CABIN1: variants seen among roughly 807,000 people sequenced by gnomAD.
CABIN1 encodes the protein calcineurin binding protein 1, also known as calcineurin-binding protein cabin-1.
CABIN1 carries 133 observed loss-of-function variants against 227.7 expected under a neutral mutation model. That is an observed-to-expected ratio of 0.58 (90% CI 0.51 to 0.67). The LOEUF (loss-of-function observed/expected upper bound fraction) is 0.67. Ranked by LOEUF, CABIN1 falls within the 30% of genes least tolerant of loss-of-function variation. CABIN1 has a pLI of 0.00. For synonymous variants in CABIN1, 1,086 were observed against 1,155.1 expected (o/e 0.94, Z 1.21); for missense variants, 2,408 against 2,852.5 (o/e 0.84, Z 3.55).
chr22:24,040,306 G>A (rs2037267378), intron 4 of CABIN1, among the ~76,000 whole-genome samples: 1 of 152,166 alleles, frequency 6.6e-6, no homozygotes, highest in Non-Finnish European at 1.5e-5. Context: ...CTCCAAGGTA[G>A]GTAGATTCTT....
intron 10 of CABIN1, among the ~76,000 whole-genome samples, chr22:24,058,963 T>C (rs2038998345): frequency 6.6e-6 from 1 of 152,220 alleles, no homozygotes; most frequent in South Asian, 2.1e-4. Context: ...ATTTGGTGCC[T>C]AGCACAGTGC....
At chr22:24,123,027 C>T (rs1170439216) in intron 28 of CABIN1, among the ~76,000 whole-genome samples, 1 of 152,162 alleles carries the variant, frequency 6.6e-6, no homozygotes, top group Non-Finnish European at 1.5e-5. Flanking sequence ...CCATTCCCCA[C>T]ACCCTGTCCA....
intron 26 of CABIN1, among the ~76,000 whole-genome samples, chr22:24,102,011 C>G (rs1361740692): frequency 6.6e-6 from 1 of 152,180 alleles, no homozygotes; most frequent in Non-Finnish European, 1.5e-5. Flanking sequence ...CGGTCATGCC[C>G]TTGTTTCCCC....
chr22:24,159,504 A>T (rs889850169), intron 29 of CABIN1, among the ~76,000 whole-genome samples: 1 of 152,208 alleles, frequency 6.6e-6, no homozygotes, highest in African/African-American at 2.4e-5. Context: ...TGGGTCTCCC[A>T]GGTGGCTCCT....
intron 26 of CABIN1, among the ~76,000 whole-genome samples, chr22:24,110,624 T>C (rs1184070140): frequency 1.2e-5 from 1 of 80,384 alleles, no homozygotes; most frequent in Non-Finnish European, 2.3e-5. Context: ...TTTGTTTGCC[T>C]GGAAAAAAAC....
chr22:24,170,093 C>T, intron 33 of CABIN1: 1 of 455,180 alleles, frequency 2.2e-6, no homozygotes, highest in Non-Finnish European at 4.4e-6. Flanking sequence ...GGGAGGAGGC[C>T]CTAATGACCC....
At chr22:24,056,421 A>G (rs1437441441) in intron 10 of CABIN1, 61 bp downstream of exon 10, 13 of 1,543,362 alleles carry the variant, frequency 8.4e-6, no homozygotes, top group African/African-American at 6.8e-5. Context: ...ATACACCATC[A>G]GTAACATTTC....
intron 20 of CABIN1, among the ~76,000 whole-genome samples, 178 bp downstream of exon 20, chr22:24,083,567 T>C (rs555482497): frequency 2.7e-4 from 41 of 152,324 alleles, no homozygotes; most frequent in Non-Finnish European, 4.6e-4. Flanking sequence ...CAAAAACTTA[T>C]TTTCATAAAT....
intron 14 of CABIN1, among the ~76,000 whole-genome samples, chr22:24,063,694 A>G (rs1437617442): frequency 6.6e-6 from 1 of 152,180 alleles, no homozygotes; most frequent in East Asian, 1.9e-4. Context: ...CATTTAGTCT[A>G]AAGAAAGCAA....
intron 28 of CABIN1, among the ~76,000 whole-genome samples, chr22:24,123,248 T>A (rs1344171924): frequency 1.3e-5 from 2 of 151,954 alleles, no homozygotes; most frequent in African/African-American, 4.8e-5. Context: ...TGCCAGCTTT[T>A]CTGTTCGTTG....
At position 24,062,958 on chromosome 22, in the gene CABIN1, G is replaced by A; in HGVS notation, c.1697-1G>A. The A allele has an allele frequency of 1.2e-6, 2 of 1,614,082 alleles. No individual in the cohort carries two copies. The highest frequency in any genetic ancestry group is 1.7e-5 in the Admixed American group (1 of 60,028). ...TGACTCGTTGGCCTGATGGTTTTTA[G>A]TGTCTCCTCGGAACTGCCCTGCTGG... is the stretch of plus-strand genomic sequence containing the variant. On this transcript the variant is annotated splice_acceptor_variant, in intron 13 of 36. Transcript: ENST00000263119. LOFTEE classifies it high-confidence loss of function.
At chr22:24,035,580 G>T (rs896469696) in intron 2 of CABIN1, 60 bp downstream of exon 2, 1 of 1,600,648 alleles carries the variant, frequency 6.2e-7, no homozygotes, top group Non-Finnish European at 8.6e-7. Flanking sequence ...CGTTACTCCT[G>T]GGGGCGAGGG....
chr22:24,155,078 G>A (rs1001620904), intron 29 of CABIN1, among the ~76,000 whole-genome samples: 12 of 152,152 alleles, frequency 7.9e-5, no homozygotes, highest in African/African-American at 2.2e-4. Context: ...CACCTAGCCC[G>A]TGCAGGTTGG....
At chr22:24,051,938 A>G (rs2038369966) in intron 8 of CABIN1, among the ~76,000 whole-genome samples, 1 of 151,974 alleles carries the variant, frequency 6.6e-6, no homozygotes, top group South Asian at 2.1e-4. Flanking sequence ...TCCATACCCG[A>G]GCACCGAGAT....
rs759373452 is a variant in CABIN1, at chr22:24,167,173, A to G, written c.5542A>G (p.Lys1848Glu). 1 of 1,610,186 alleles carries G rather than the reference A, an allele frequency of 6.2e-7. No individual in the cohort carries two copies. The highest frequency in any genetic ancestry group is 1.1e-5 in the South Asian group (1 of 90,190). Reference sequence around the variant, plus strand: ...GCTCTCCCGGCTCAGCCGCAAGAGGAAGCTCCTGGAGGACACAGAGTCAGG... The same window carrying G: ...GCTCTCCCGGCTCAGCCGCAAGAGGGAGCTCCTGGAGGACACAGAGTCAGG... ...EPLSRLSRKR[K>E]LLEDTESGKT... Residue 1848 changes from lysine to glutamate, a missense_variant, in exon 32 of 37, where the codon AAG becomes GAG. By Grantham distance (56) the Lys-to-Glu change is moderately conservative. This residue lies in a region of CABIN1 where 714 missense variants were observed against 773.8 expected (regional missense o/e 0.92). Coordinates refer to ENST00000263119, the MANE Select transcript of CABIN1 (RefSeq NM_012295.4).
rs373182725 is a variant in CABIN1 at position 24,143,721 on chromosome 22, C to T, written c.4746+9306C>T. Among the ~76,000 whole-genome samples the T allele has an allele frequency of 9.9e-5, 15 of 152,266 alleles. No homozygotes were observed. In the East Asian group the frequency reaches 2.7e-3, roughly 27 times the overall value. On this transcript the variant is annotated intron_variant, in intron 29 of 36. Coordinates refer to ENST00000263119, the MANE Select transcript of CABIN1 (RefSeq NM_012295.4). Reference sequence around the variant, plus strand: ...GGGGGTGCCTCCTTAGGTGACATAGCATGTCCGTGAGGCTTAGGTACTATT... The same window carrying T: ...GGGGGTGCCTCCTTAGGTGACATAGTATGTCCGTGAGGCTTAGGTACTATT...
At chr22:24,052,865 A>G (rs2038457013) in intron 8 of CABIN1, among the ~76,000 whole-genome samples, 1 of 151,858 alleles carries the variant, frequency 6.6e-6, no homozygotes, top group Non-Finnish European at 1.5e-5. Context: ...CTCAGTGCCT[A>G]GTAGGCATGA....
chr22:24,088,215 G>A (rs1294756880), intron 23 of CABIN1, among the ~76,000 whole-genome samples: 1 of 152,132 alleles, frequency 6.6e-6, no homozygotes, highest in Non-Finnish European at 1.5e-5. Flanking sequence ...ACATGTTTAG[G>A]CTAGTGCAGC....
At chr22:24,029,692 A>C (rs1294602726) in intron 1 of CABIN1, among the ~76,000 whole-genome samples, 1 of 152,242 alleles carries the variant, frequency 6.6e-6, no homozygotes, top group Non-Finnish European at 1.5e-5. Flanking sequence ...TAGCTGAGGA[A>C]GAGTGGTAAT....
Sources: gnomAD v4.1 joint callset for allele counts (sites outside exome capture counted in the v4.1 genomes callset) on GRCh38, gnomAD v4.1.1 for gene constraint, gnomAD v4.1.1 regional missense constraint, MANE v1.5 for transcripts, NCBI Gene and HGNC (gene_info 2026-07-23, HGNC 2026-07-21) for gene names.